The following ST6GALNAC3 variants were observed in gnomAD, a reference collection of about 807,000 sequenced individuals.
ST6GALNAC3 encodes the protein ST6 N-acetylgalactosaminide alpha-2,6-sialyltransferase 3.
A neutral mutation model predicts 32.7 loss-of-function variants in ST6GALNAC3; 25 were observed. The ratio of observed to expected loss-of-function variants is 0.76; its 90% CI spans 0.56 to 1.07. ST6GALNAC3 has a LOEUF of 1.07. Ranked by LOEUF, ST6GALNAC3 falls within the 50% of genes least tolerant of loss-of-function variation. The probability of loss-of-function intolerance (pLI) is 0.00; values close to 1 mark genes in which losing one functional copy is unlikely to be tolerated. For missense variants in ST6GALNAC3, 355 were observed against 382.4 expected (o/e 0.93, Z 0.60); for synonymous variants, 129 against 133.1 (o/e 0.97, Z 0.21).
chr1:76,268,926 T>A (rs1344888215), intron 1 of ST6GALNAC3, among the ~76,000 whole-genome samples: 1 of 151,010 alleles, frequency 6.6e-6, no homozygotes, highest in East Asian at 2.0e-4. Context: ...GATCACTCTG[T>A]CACCCCCAAG....
chr1:76,402,351 C>G (rs1653490215), intron 2 of ST6GALNAC3, among the ~76,000 whole-genome samples: 1 of 152,146 alleles, frequency 6.6e-6, no homozygotes, highest in South Asian at 2.1e-4. Context: ...AAGGAATGTA[C>G]ATAACCCCAC....
intron 1 of ST6GALNAC3, among the ~76,000 whole-genome samples, chr1:76,124,160 C>T (rs879795796): frequency 2.3e-4 from 35 of 152,116 alleles, no homozygotes; most frequent in Admixed American, 2.0e-4. Context: ...GTGGAACTCC[C>T]GACTACGATT....
intron 3 of ST6GALNAC3, among the ~76,000 whole-genome samples, chr1:76,582,152 A>G (rs1184710191): frequency 6.6e-6 from 1 of 152,188 alleles, no homozygotes; most frequent in Admixed American, 6.6e-5. Flanking sequence ...AAGATTTCAC[A>G]TGTTGACTCT....
intron 3 of ST6GALNAC3, among the ~76,000 whole-genome samples, chr1:76,609,155 C>T (rs748029279): frequency 2.6e-5 from 4 of 152,032 alleles, no homozygotes; most frequent in Admixed American, 6.6e-5. Context: ...CTCCCTTATT[C>T]GAATAGTTTT....
At chr1:76,624,926 A>T (rs562891536) in intron 3 of ST6GALNAC3, among the ~76,000 whole-genome samples, 85 of 152,074 alleles carry the variant, frequency 5.6e-4, no homozygotes, top group African/African-American at 1.8e-3. Context: ...GCTCATTACA[A>T]CATCCAATAT....
At chr1:76,184,120 T>C (rs1653378957) in intron 1 of ST6GALNAC3, among the ~76,000 whole-genome samples, 1 of 152,094 alleles carries the variant, frequency 6.6e-6, no homozygotes, top group Non-Finnish European at 1.5e-5. Flanking sequence ...TTTCTAATCA[T>C]TAACTGTGTT....
intron 2 of ST6GALNAC3, among the ~76,000 whole-genome samples, chr1:76,385,331 A>C (rs4459158): frequency 0.29 from 43,783 of 151,856 alleles, 7,618 homozygotes; most frequent in East Asian, 0.6. Flanking sequence ...ACTAGATATA[A>C]CCACTTATAG....
At chr1:76,201,234 G>A (rs111700181) in intron 1 of ST6GALNAC3, among the ~76,000 whole-genome samples, 1,988 of 152,220 alleles carry the variant, frequency 0.013, 48 homozygotes, top group African/African-American at 0.045. Flanking sequence ...CTCACAGTTC[G>A]ACATGGCCAG....
chr1:76,621,546 A>G (rs1201921031), intron 3 of ST6GALNAC3, among the ~76,000 whole-genome samples: 1 of 152,072 alleles, frequency 6.6e-6, no homozygotes, highest in Admixed American at 6.6e-5. Flanking sequence ...CAAACTTCAG[A>G]GCATTTCCAT....
intron 1 of ST6GALNAC3, among the ~76,000 whole-genome samples, chr1:76,075,538 G>A (rs1215442536): frequency 6.6e-6 from 1 of 152,168 alleles, no homozygotes; most frequent in East Asian, 1.9e-4. Flanking sequence ...CTGCCAGAGT[G>A]CGCTCAGCCA....
intron 1 of ST6GALNAC3, among the ~76,000 whole-genome samples, chr1:76,184,519 G>GCGCGCGCACACA (rs1335590722): frequency 1.5e-5 from 2 of 134,104 alleles, no homozygotes; most frequent in African/African-American, 5.8e-5. Flanking sequence ...CTCCTGGGCA[G>GCGCGCGCACACA]CACACACACA....
intron 1 of ST6GALNAC3, among the ~76,000 whole-genome samples, chr1:76,158,812 G>C (rs442486): frequency 0.14 from 21,315 of 152,148 alleles, 1,737 homozygotes; most frequent in Non-Finnish European, 0.19. Flanking sequence ...TTAGTGCTTT[G>C]TAATGTGAAC....
chr1:76,129,082 T>C (rs1649440198), intron 1 of ST6GALNAC3, among the ~76,000 whole-genome samples: 1 of 152,202 alleles, frequency 6.6e-6, no homozygotes, highest in Non-Finnish European at 1.5e-5. Context: ...AGTGAGGTTA[T>C]GGCTTGTACA....
intron 3 of ST6GALNAC3, among the ~76,000 whole-genome samples, chr1:76,457,503 C>T (rs1050083398): frequency 2.0e-5 from 3 of 150,818 alleles, no homozygotes; most frequent in African/African-American, 7.3e-5. Flanking sequence ...CTACAAGTAA[C>T]CAAAACAGCA....
rs189071354 is a variant in ST6GALNAC3, at chr1:76,236,547, G to A, written c.19-77258G>A. Among the ~76,000 whole-genome samples the A allele has an allele frequency of 2.9e-3, 439 of 152,274 alleles. 7 individuals carry two copies. Among genetic ancestry groups the A allele is most frequent in the African/African-American group, 0.01 (432 of 41,568 alleles). ...ATATTGTCAAAAACTTCTAATCCTC[G>A]TAGAAACCTTCAAAGTGTGTTTTTT... On this transcript the variant is annotated intron_variant, in intron 1 of 4. Coordinates refer to ENST00000328299, the MANE Select transcript of ST6GALNAC3 (RefSeq NM_152996.4).
At chr1:76,121,068 T>C (rs1228427836) in intron 1 of ST6GALNAC3, among the ~76,000 whole-genome samples, 1 of 152,198 alleles carries the variant, frequency 6.6e-6, no homozygotes, top group Non-Finnish European at 1.5e-5. Flanking sequence ...CTTTCCCTTA[T>C]AGGGATCCCT....
intron 3 of ST6GALNAC3, among the ~76,000 whole-genome samples, chr1:76,508,085 T>A (rs1661589635): frequency 6.6e-6 from 1 of 152,162 alleles, no homozygotes; most frequent in Admixed American, 6.5e-5. Context: ...TTACCTTGAC[T>A]AGTAGACTCG....
At chr1:76,334,541 C>A (rs191004169) in intron 2 of ST6GALNAC3, among the ~76,000 whole-genome samples, 4 of 152,270 alleles carry the variant, frequency 2.6e-5, no homozygotes, top group Admixed American at 2.0e-4. Flanking sequence ...CGATGTTGGA[C>A]AAATGAAGTG....
At chr1:76,350,938 T>A (rs1385795574) in intron 2 of ST6GALNAC3, among the ~76,000 whole-genome samples, 1 of 152,200 alleles carries the variant, frequency 6.6e-6, no homozygotes, top group Non-Finnish European at 1.5e-5. Context: ...ATTTGCAGCA[T>A]CACATTCTTC....
Sources: gnomAD v4.1 joint callset for allele counts (sites outside exome capture counted in the v4.1 genomes callset) on GRCh38, gnomAD v4.1.1 for gene constraint, MANE v1.5 for transcripts, NCBI Gene and HGNC (gene_info 2026-07-23, HGNC 2026-07-21) for gene names.